ANKRD60: variants seen among roughly 807,000 people sequenced by gnomAD.
ANKRD60 encodes the protein ankyrin repeat domain-containing protein 60.
ANKRD60 carries 24 observed loss-of-function variants against 21.3 expected under a neutral mutation model. That is an observed-to-expected ratio of 1.13 (90% CI 0.82 to 1.59). The LOEUF (loss-of-function observed/expected upper bound fraction) is 1.59, where lower values mean the gene tolerates loss of function less well. Among genes scored for constraint, ANKRD60 ranks in the 40% most tolerant of loss-of-function variants. The pLI, the probability that ANKRD60 is intolerant of heterozygous loss-of-function variation, is 0.00. For missense variants in ANKRD60, 490 were observed against 466.7 expected (o/e 1.05, Z -0.46); for synonymous variants, 182 against 199.4 (o/e 0.91, Z 0.74).
At chr20:58,220,505 G>C (rs892115849) in intron 3 of ANKRD60, among the ~76,000 whole-genome samples, 52 of 152,202 alleles carry the variant, frequency 3.4e-4, no homozygotes, top group South Asian at 2.1e-3. Context: ...GAGAGAGAGA[G>C]AGAGAGAGAG....
In ANKRD60 at chr20:58,228,432, C is replaced by G; in HGVS notation, c.222G>C (p.Gln74His). 6.5e-7 allele frequency: 1 copy of G among 1,542,054 alleles called. No individual in the cohort carries two copies. The change falls in exon 1 of 4, where the codon CAG becomes CAC. Residue 74 changes from glutamine (Q) to histidine (H), a missense_variant. By Grantham distance (24) the Gln-to-His change is conservative. Transcript: ENST00000457363. This position sits in a 1 kb window ranked among gnomAD's most constrained non-coding sequence, Gnocchi z 5.3. ...CGGCCTTCGGGTCACAGACGAGCCGCTGGCTCCGGCCGCGGGCACAGGCCA... is the reference window on the plus strand; with the variant it reads ...CGGCCTTCGGGTCACAGACGAGCCGGTGGCTCCGGCCGCGGGCACAGGCCA...
chr20:58,222,021 C>T (rs1984266210), intron 2 of ANKRD60, among the ~76,000 whole-genome samples: 1 of 152,150 alleles, frequency 6.6e-6, no homozygotes, highest in African/African-American at 2.4e-5. Context: ...GGGAGGAAGG[C>T]TACGGGTTCC....
intron 3 of ANKRD60, among the ~76,000 whole-genome samples, chr20:58,219,532 T>C (rs1366585287): frequency 2.0e-5 from 3 of 152,168 alleles, no homozygotes; most frequent in Admixed American, 2.0e-4. Flanking sequence ...ATGGACAGAT[T>C]TCACTTCGAT....
chr20:58,218,455 G>T, downstream of ANKRD60: 1 of 1,522,306 alleles, frequency 6.6e-7, no homozygotes, highest in South Asian at 1.3e-5. Context: ...CTGCAAAGTT[G>T]CCCAAACCAG....
intron 1 of ANKRD60, among the ~76,000 whole-genome samples, chr20:58,226,263 G>A (rs1200729267): frequency 6.6e-6 from 1 of 152,168 alleles, no homozygotes; most frequent in South Asian, 2.1e-4. Flanking sequence ...TCTGTTTGGG[G>A]TCCTGATGTG....
At chr20:58,221,919 C>T (rs1004929902) in intron 2 of ANKRD60, among the ~76,000 whole-genome samples, 2 of 152,192 alleles carry the variant, frequency 1.3e-5, no homozygotes, top group Non-Finnish European at 2.9e-5. Flanking sequence ...TGTGTGCCCA[C>T]TGTCTCCATT....
chr20:58,219,699 C>T (rs1245087261), intron 3 of ANKRD60, among the ~76,000 whole-genome samples: 2 of 152,198 alleles, frequency 1.3e-5, no homozygotes, highest in African/African-American at 4.8e-5. Context: ...TTTTTATGAG[C>T]TCCGGCTGGT....
At chr20:58,227,945 TC>T (rs1288262099) in intron 1 of ANKRD60, among the ~76,000 whole-genome samples, 11 of 152,168 alleles carry the variant, frequency 7.2e-5, no homozygotes, top group Non-Finnish European at 4.4e-5. Context: ...TGCAGCCCGA[TC>T]CAGGCAGGAC....
intron 2 of ANKRD60, 60 bp downstream of exon 2, chr20:58,222,992 C>T: frequency 6.7e-7 from 1 of 1,493,048 alleles, no homozygotes; most frequent in Admixed American, 2.4e-5. Flanking sequence ...CTAATTTTCC[C>T]CCCACAATTT....
At chr20:58,219,507 T>C (rs190401831) in intron 3 of ANKRD60, among the ~76,000 whole-genome samples, 2 of 152,284 alleles carry the variant, frequency 1.3e-5, no homozygotes, top group Non-Finnish European at 1.5e-5. Flanking sequence ...AATGACGCAA[T>C]GGGCAGCCTG....
downstream of ANKRD60, among the ~76,000 whole-genome samples, chr20:58,217,872 C>T (rs932454615): frequency 6.6e-6 from 1 of 152,150 alleles, no homozygotes; most frequent in African/African-American, 2.4e-5. Flanking sequence ...TGTTTCCTCC[C>T]CATCTAGCAC....
chr20:58,220,749 C>T (rs1423328416), intron 3 of ANKRD60, among the ~76,000 whole-genome samples: 4 of 151,340 alleles, frequency 2.6e-5, no homozygotes, highest in Non-Finnish European at 5.9e-5. Context: ...CTATCTCAGC[C>T]TCCTGAGTAG....
At chr20:58,226,463 G>A (rs1389085746) in intron 1 of ANKRD60, among the ~76,000 whole-genome samples, 3 of 152,146 alleles carry the variant, frequency 2.0e-5, no homozygotes, top group African/African-American at 7.2e-5. Flanking sequence ...GCAGGGTTTG[G>A]TCTGGAATTT....
intron 1 of ANKRD60, among the ~76,000 whole-genome samples, chr20:58,226,536 T>A (rs1211396699): frequency 2.6e-5 from 4 of 152,200 alleles, no homozygotes; most frequent in Non-Finnish European, 5.9e-5. Context: ...AAAAGTTTGC[T>A]TTGAGTTTTG....
intron 3 of ANKRD60, 64 bp downstream of exon 3, chr20:58,221,272 ACT>A (rs1984246206): frequency 1.3e-6 from 2 of 1,488,882 alleles, no homozygotes; most frequent in East Asian, 2.5e-5. Context: ...AACACAAGAC[ACT>A]CTGTCCTTTC....
chr20:58,221,585 G>T, intron 2 of ANKRD60, 82 bp from the exon 3 acceptor site: 1 of 1,436,752 alleles, frequency 7.0e-7, no homozygotes, highest in Non-Finnish European at 9.4e-7. Context: ...ATGCTCAGGG[G>T]AAGGCTTGCT....
intron 1 of ANKRD60, among the ~76,000 whole-genome samples, chr20:58,227,691 G>T (rs1984393225): frequency 6.6e-6 from 1 of 152,180 alleles, no homozygotes; most frequent in South Asian, 2.1e-4. Flanking sequence ...AGAGGATTTG[G>T]GGTTCTAATG....
At chr20:58,222,229 A>G (rs1984272563) in intron 2 of ANKRD60, among the ~76,000 whole-genome samples, 1 of 152,150 alleles carries the variant, frequency 6.6e-6, no homozygotes, top group Non-Finnish European at 1.5e-5. Flanking sequence ...GGGGCAGAGG[A>G]GAGTGTGGAG....
intron 1 of ANKRD60, among the ~76,000 whole-genome samples, chr20:58,227,530 G>A (rs1421525304): frequency 2.0e-5 from 3 of 152,046 alleles, no homozygotes; most frequent in African/African-American, 7.3e-5. Context: ...TGGGGGGGAT[G>A]TGGTAGCTGG....
Sources: allele counts gnomAD v4.1 joint callset (sites outside exome capture counted in the v4.1 genomes callset), GRCh38; gene constraint gnomAD v4.1.1; non-coding constraint Gnocchi (gnomAD v3.1); transcripts MANE v1.5; gene names NCBI Gene and HGNC (gene_info 2026-07-23, HGNC 2026-07-21).